VEZT: variants seen among roughly 807,000 people sequenced by gnomAD.
VEZT encodes the protein vezatin, adherens junctions transmembrane protein, also known as vezatin.
A neutral mutation model predicts 79.9 loss-of-function variants in VEZT; 39 were observed. That is an observed-to-expected ratio of 0.49 (90% CI 0.38 to 0.64). The LOEUF is 0.64. Ranked by LOEUF, VEZT falls within the 30% of genes least tolerant of loss-of-function variation. The pLI, the probability that VEZT is intolerant of heterozygous loss-of-function variation, is 0.00. For synonymous variants in VEZT, 325 were observed against 327.6 expected (o/e 0.99, Z 0.09); for missense variants, 837 against 893.1 (o/e 0.94, Z 0.80).
chr12:95,262,182 G>A (rs2064667588), intron 3 of VEZT: 1 of 152,078 alleles, frequency 6.6e-6, no homozygotes, highest in Non-Finnish European at 1.5e-5. Flanking sequence ...AGTACTCTAG[G>A]TGTATTTCAT....
At chr12:95,224,160 G>A (rs1049734905) in intron 1 of VEZT, 12 of 455,828 alleles carry the variant, frequency 2.6e-5, no homozygotes, top group Non-Finnish European at 4.9e-5. Context: ...GCATTCCCTT[G>A]TCCTCTGGGT....
rs371452779 is a variant in VEZT at position 95,297,398 on chromosome 12, C to CT, written c.1831+1151dup. ...ACTTCTGGAAAGTTCCTCCAGTTCT[C>CT]TTTTTTTTTTTCCCCTCAGGAGCCC... On this transcript the variant is annotated intron_variant, in intron 11 of 11. Transcript: ENST00000436874. 3.0e-3 allele frequency among the ~76,000 whole-genome samples: 441 copies of CT among 148,648 alleles called. 1 individual carries two copies. The highest frequency in any genetic ancestry group is 5.2e-3 in the Non-Finnish European group (345 of 66,900).
At chr12:95,296,345 T>G in intron 11 of VEZT, 87 bp downstream of exon 11, 2 of 1,337,644 alleles carry the variant, frequency 1.5e-6, no homozygotes, top group Non-Finnish European at 2.0e-6. Flanking sequence ...AGCTGAAGAA[T>G]TCTTGGGGTT....
intron 1 of VEZT, among the ~76,000 whole-genome samples, chr12:95,241,917 T>G (rs1353711103): frequency 6.6e-6 from 1 of 152,194 alleles, no homozygotes; most frequent in African/African-American, 2.4e-5. Context: ...CAACTTGAAA[T>G]CATGTTGCTA....
Position 95,300,560 on chromosome 12 carries a change from G to A in VEZT, c.2227G>A (p.Ala743Thr). Residue 743 changes from alanine (A) to threonine (T), a missense_variant, in exon 12 of 12, where the codon GCA becomes ACA. By Grantham distance (58) the Ala-to-Thr change is moderately conservative. Transcript: ENST00000436874. ...TTTTACCTTCACTGCTGGCCTTGCT[G>A]CAGAAGTGGCTGCTAGATCTCTCTC... ...PDFTFTAGLAAEVAARSLSFT... is the reference protein window; with the variant it reads ...PDFTFTAGLATEVAARSLSFT... 6.2e-7 allele frequency: 1 copy of A among 1,613,956 alleles called. No individual in the cohort carries two copies.
intron 1 of VEZT, chr12:95,218,619 T>G (rs2057082622): frequency 6.6e-6 from 1 of 152,358 alleles, no homozygotes; most frequent in Admixed American, 6.5e-5. Flanking sequence ...CCCCTGTACG[T>G]ATGTGTATTG....
chr12:95,228,056 C>T (rs1478720982), intron 1 of VEZT, among the ~76,000 whole-genome samples: 9 of 152,140 alleles, frequency 5.9e-5, no homozygotes, highest in African/African-American at 1.7e-4. Context: ...TTCTTCCTGG[C>T]TGAGAAAGAT....
intron 7 of VEZT, among the ~76,000 whole-genome samples, chr12:95,278,169 C>T (rs769247774): frequency 3.3e-5 from 5 of 152,138 alleles, no homozygotes; most frequent in Non-Finnish European, 7.4e-5. Context: ...AGTTCAGTGC[C>T]TGGTGTAGAG....
chr12:95,217,936 G>A (rs1353997181), intron 1 of VEZT, 50 bp downstream of exon 1: 11 of 1,449,704 alleles, frequency 7.6e-6, no homozygotes, highest in Non-Finnish European at 8.2e-6. Flanking sequence ...TGAGAAGGAC[G>A]AGACGGAAAT....
At chr12:95,292,537 A>G (rs1287117204) in intron 9 of VEZT, among the ~76,000 whole-genome samples, 4 of 149,498 alleles carry the variant, frequency 2.7e-5, no homozygotes, top group Non-Finnish European at 5.9e-5. Flanking sequence ...ACTGTTCTAC[A>G]GATAACTGTA....
rs116730746 is a variant in VEZT at position 95,287,601 on chromosome 12, G to A, written c.1329-63G>A. On this transcript the variant is annotated intron_variant, in intron 8 of 11. Transcript: ENST00000436874. ...TTAAGCTTATTTTAAAATAAGCCTC[G>A]TAAATTATAAATTTTTCATTTCATA... 222 of 1,361,506 alleles carry A rather than the reference G, an allele frequency of 1.6e-4. No individual in the cohort carries two copies. The African/African-American group carries it at 2.6e-3, about 16-fold the overall frequency. 84.3% of individuals were successfully genotyped at this position (1,361,506 alleles called of 1,614,324 possible). A position where few individuals can be genotyped will look rare whatever the true frequency, so the allele number is the denominator to read the frequency against.
At chr12:95,287,581 C>T in intron 8 of VEZT, 83 bp from the exon 9 acceptor site, 2 of 1,301,394 alleles carry the variant, frequency 1.5e-6, no homozygotes, top group Non-Finnish European at 2.0e-6. Flanking sequence ...GAGATTTAAG[C>T]TTATTTTAAA....
At chr12:95,282,237 TAAAC>T in intron 7 of VEZT, 72 bp from the exon 8 acceptor site, 1 of 1,329,912 alleles carries the variant, frequency 7.5e-7, no homozygotes, top group African/African-American at 1.5e-5. Context: ...GAAGTTAAGA[TAAAC>T]AAATTTATAG....
chr12:95,225,761 CAAAAA>C (rs531470163), intron 1 of VEZT, among the ~76,000 whole-genome samples: 1 of 40,868 alleles, frequency 2.4e-5, no homozygotes, highest in Non-Finnish European at 5.3e-5. Context: ...TGTTTCATAG[CAAAAA>C]AAAAAAAAAA....
chr12:95,258,769 C>T (rs968281234), intron 3 of VEZT, among the ~76,000 whole-genome samples: 1 of 152,094 alleles, frequency 6.6e-6, no homozygotes, highest in East Asian at 1.9e-4. Flanking sequence ...TGCTTTCACA[C>T]GTGTTATCTT....
At chr12:95,233,556 C>T (rs1449217378) in intron 1 of VEZT, among the ~76,000 whole-genome samples, 3 of 151,978 alleles carry the variant, frequency 2.0e-5, no homozygotes, top group Admixed American at 6.6e-5. Context: ...TGTGCCACCA[C>T]GCCTGGCTAA....
intron 4 of VEZT, 137 bp from the exon 5 acceptor site, chr12:95,266,220 A>G (rs1251398901): frequency 4.1e-6 from 4 of 987,434 alleles, no homozygotes; most frequent in Admixed American, 5.0e-5. Flanking sequence ...ATATATTTTT[A>G]AGTTATGCTT....
At chr12:95,250,736 G>A (rs534835076) in intron 1 of VEZT, among the ~76,000 whole-genome samples, 1 of 133,412 alleles carries the variant, frequency 7.5e-6, no homozygotes, top group South Asian at 2.5e-4. Flanking sequence ...CTGTTTGATG[G>A]GGTTGGGGTG....
intron 1 of VEZT, chr12:95,231,263 T>G (rs2059237220): frequency 6.6e-6 from 1 of 152,226 alleles, no homozygotes. Flanking sequence ...AAGGCGTTTT[T>G]AAAACTCCAG....
Sources: allele counts gnomAD v4.1 joint callset (sites outside exome capture counted in the v4.1 genomes callset), GRCh38; gene constraint gnomAD v4.1.1; transcripts MANE v1.5; gene names NCBI Gene and HGNC (gene_info 2026-07-23, HGNC 2026-07-21).